The following COA8 variants were observed in gnomAD, a reference collection of about 807,000 sequenced individuals.
COA8 encodes UPF0671 protein C14orf153.
In COA8, 20 loss-of-function variants were observed where a neutral mutation model predicts 22.0. The observed-to-expected ratio is 0.91, with a 90% CI of 0.64 to 1.32. The LOEUF (loss-of-function observed/expected upper bound fraction) is 1.32, where lower values mean the gene tolerates loss of function less well. Ranked by LOEUF, COA8 falls within the 40% of genes most tolerant of loss-of-function variation. The probability of loss-of-function intolerance (pLI) is 0.00; values close to 1 mark genes in which losing one functional copy is unlikely to be tolerated. For synonymous variants in COA8, 105 were observed against 79.9 expected, an observed-to-expected ratio of 1.31 and a Z score of -1.68; for missense variants, 266 against 230.0, an observed-to-expected ratio of 1.16 and a Z score of -1.01.
In COA8 at chr14:103,574,121, T is replaced by G; in HGVS notation, c.336T>G (p.Phe112Leu). The G allele has an allele frequency of 6.4e-6, 10 of 1,554,168 alleles. No homozygotes were observed. The highest frequency in any genetic ancestry group is 8.7e-6 in the Non-Finnish European group (10 of 1,153,344). ...NLTFSKEKEE[F>L]IHSRLKTKGL... Reference sequence around the variant, plus strand: ...TTTTTTTTAAGGAAAAAGAAGAATTTATTCACTCAAGACTAAAAACTAAAG... The same window carrying G: ...TTTTTTTTAAGGAAAAAGAAGAATTGATTCACTCAAGACTAAAAACTAAAG... Residue 112 changes from phenylalanine to leucine, a missense_variant, in exon 3 of 5, where the codon TTT becomes TTG. By Grantham distance (22) the Phe-to-Leu change is conservative. Coordinates refer to ENST00000409074, the MANE Select transcript of COA8 (RefSeq NM_001370595.2).
At chr14:103,574,064 G>C (rs764614443) in intron 2 of COA8, 43 bp from the exon 3 acceptor site, 100 of 1,419,052 alleles carry the variant, frequency 7.0e-5, no homozygotes, top group Non-Finnish European at 8.9e-5. Flanking sequence ...GACAGAGAAA[G>C]GAGTTCTGAG....
intron 4 of COA8, among the ~76,000 whole-genome samples, chr14:103,588,790 C>T (rs939581020): frequency 2.6e-5 from 4 of 151,878 alleles, no homozygotes; most frequent in African/African-American, 4.8e-5. Context: ...TGCAGTGAGC[C>T]GAGATCCCGC....
intron 1 of COA8, chr14:103,563,358 T>C (rs1404455170): frequency 1.4e-6 from 1 of 696,566 alleles, no homozygotes; most frequent in South Asian, 1.5e-5. Context: ...GCCAGAACCT[T>C]TAAGCGTAAC....
rs539520291 is a variant in COA8 at position 103,581,775 on chromosome 14, G to A, written c.386-5499G>A. ...GAGTTAAACTGTTCTTCATTCCGGT[G>A]GCACTAGACCTGCCCGGGCGGCCAG... On this transcript the variant is annotated intron_variant, in intron 3 of 4. Transcript: ENST00000409074. This position sits in a 1 kb window ranked among gnomAD's most constrained non-coding sequence, Gnocchi z 4.1. 9.1e-5 allele frequency: 36 copies of A among 395,048 alleles called. No homozygotes were observed. In the South Asian group the frequency reaches 4.8e-3, roughly 53 times the overall value. 24.5% of individuals were successfully genotyped at this position (395,048 alleles called of 1,614,324 possible). A position where few individuals can be genotyped will look rare whatever the true frequency, so the allele number is the denominator to read the frequency against.
chr14:103,563,071 T>C lies in COA8; in HGVS notation c.70T>C (p.Cys24Arg). The C allele has an allele frequency of 1.3e-6, 2 of 1,541,456 alleles. No individual in the cohort carries two copies. Among genetic ancestry groups the C allele is most frequent in the South Asian group, 2.4e-5 (2 of 84,578 alleles). The change falls in exon 1 of 5, where the codon TGT becomes CGT. Residue 24 changes from cysteine to arginine, a missense_variant. By Grantham distance (180) the Cys-to-Arg change is radical. Coordinates refer to ENST00000409074, the MANE Select transcript of COA8 (RefSeq NM_001370595.2). ...CTGCCGCGCCTTCGCCTGCCGCGGC[T>C]GTCAACTCGCTCCGGAGCGCGGCGC... ...PLCRAFACRGCQLAPERGAER... is the reference protein window; with the variant it reads ...PLCRAFACRGRQLAPERGAER...
chr14:103,565,122 AT>A (rs1445224652), intron 1 of COA8, among the ~76,000 whole-genome samples: 1 of 150,200 alleles, frequency 6.7e-6, no homozygotes, highest in African/African-American at 2.5e-5. Flanking sequence ...CGCCTGGTTA[AT>A]TTTTTTTTCT....
chr14:103,566,359 G>A (rs2076134959), intron 1 of COA8, among the ~76,000 whole-genome samples: 1 of 152,188 alleles, frequency 6.6e-6, no homozygotes, highest in Non-Finnish European at 1.5e-5. Context: ...GGCAGAGGTT[G>A]CAGTGAGCCG....
At chr14:103,586,089 C>T (rs1305150538) in intron 3 of COA8, among the ~76,000 whole-genome samples, 9 of 150,740 alleles carry the variant, frequency 6.0e-5, no homozygotes, top group Non-Finnish European at 8.8e-5. Context: ...TTAGTAGAGA[C>T]GGTGTTTCAG....
chr14:103,586,602 A>G (rs1438209608), intron 3 of COA8, among the ~76,000 whole-genome samples: 1 of 149,996 alleles, frequency 6.7e-6, no homozygotes, highest in African/African-American at 2.5e-5. Context: ...CGGCCTCCCA[A>G]AGTGCTGGAA....
At chr14:103,566,813 G>T (rs1211853254) in intron 1 of COA8, among the ~76,000 whole-genome samples, 3 of 152,246 alleles carry the variant, frequency 2.0e-5, no homozygotes, top group African/African-American at 7.2e-5. Flanking sequence ...TCCAGGCAGG[G>T]TCTCCTGAGG....
chr14:103,563,063 G>A lies in COA8; in HGVS notation c.62G>A (p.Cys21Tyr), dbSNP rs765363382. The change falls in exon 1 of 5, where the codon TGC (cysteine) becomes TAC (tyrosine). Residue 21 changes from cysteine (C) to tyrosine (Y), a missense_variant. By Grantham distance (194) the Cys-to-Tyr change is radical. Transcript: ENST00000409074. ...FLPPLCRAFACRGCQLAPERG... is the reference protein window; with the variant it reads ...FLPPLCRAFAYRGCQLAPERG... ...CCCCCTCTCTGCCGCGCCTTCGCCT[G>A]CCGCGGCTGTCAACTCGCTCCGGAG... is the stretch of plus-strand genomic sequence containing the variant. The A allele has an allele frequency of 6.5e-7, 1 of 1,541,434 alleles. No homozygotes were observed. The highest frequency in any genetic ancestry group is 1.2e-5 in the South Asian group (1 of 84,614).
chr14:103,573,325 AC>A (rs2076203126), intron 2 of COA8, among the ~76,000 whole-genome samples: 1 of 151,508 alleles, frequency 6.6e-6, no homozygotes, highest in Admixed American at 6.6e-5. Flanking sequence ...GCCCGCCACC[AC>A]ACCCGGCTAA....
At chr14:103,579,091 C>CT (rs763544440) in intron 3 of COA8, among the ~76,000 whole-genome samples, 4 of 152,096 alleles carry the variant, frequency 2.6e-5, no homozygotes, top group Non-Finnish European at 5.9e-5. Context: ...GCCTCAACCT[C>CT]TGAGTACGGA....
At chr14:103,582,598 C>A (rs1043919796) in intron 3 of COA8, among the ~76,000 whole-genome samples, 1 of 152,142 alleles carries the variant, frequency 6.6e-6, no homozygotes, top group Non-Finnish European at 1.5e-5. Context: ...CTCCGCAGAA[C>A]CTGCAGGAGT....
chr14:103,575,424 A>G (rs2076223664), intron 3 of COA8, among the ~76,000 whole-genome samples: 1 of 152,218 alleles, frequency 6.6e-6, no homozygotes, highest in Admixed American at 6.5e-5. Flanking sequence ...AGGGAAACAT[A>G]CAGGGAGCTG....
chr14:103,583,310 T>G (rs2076281363), intron 3 of COA8, among the ~76,000 whole-genome samples: 1 of 151,880 alleles, frequency 6.6e-6, no homozygotes, highest in African/African-American at 2.4e-5. Context: ...GAGGCCAAGG[T>G]GGGCGGATCA....
chr14:103,574,483 A>C (rs2076216365), intron 3 of COA8: 1 of 543,586 alleles, frequency 1.8e-6, no homozygotes, highest in Non-Finnish European at 3.5e-6. Context: ...TTTTCTTCTG[A>C]TTCCTGATCT....
intron 3 of COA8, among the ~76,000 whole-genome samples, chr14:103,576,086 T>C (rs968217593): frequency 1.3e-5 from 2 of 152,048 alleles, no homozygotes; most frequent in Non-Finnish European, 2.9e-5. Flanking sequence ...GGCAGGGGAA[T>C]CACAAGGTCA....
intron 1 of COA8, among the ~76,000 whole-genome samples, chr14:103,568,529 ACACATATACACACACATG>A (rs2076153752): frequency 6.6e-6 from 1 of 150,926 alleles, no homozygotes; most frequent in Admixed American, 6.6e-5. Flanking sequence ...ACACACACAT[ACACATATACACACACATG>A]TACACATATA....
Sources: gnomAD v4.1 joint callset for allele counts (sites outside exome capture counted in the v4.1 genomes callset) on GRCh38, gnomAD v4.1.1 for gene constraint, Gnocchi (gnomAD v3.1) non-coding constraint, MANE v1.5 for transcripts, NCBI Gene and HGNC (gene_info 2026-07-23, HGNC 2026-07-21) for gene names.